The following DRD2 variants were observed in gnomAD, a reference collection of about 807,000 sequenced individuals.
The protein encoded by DRD2 is dopamine receptor D2, also known as D(2) dopamine receptor.
A neutral mutation model predicts 38.0 loss-of-function variants in DRD2; 8 were observed. The observed-to-expected ratio is 0.21, with a 90% CI of 0.12 to 0.38. The LOEUF is 0.38. Ranked by LOEUF, DRD2 falls within the 10% of genes least tolerant of loss-of-function variation. The pLI, the probability that DRD2 is intolerant of heterozygous loss-of-function variation, is 1.00. For synonymous variants in DRD2, 230 were observed against 238.6 expected, an observed-to-expected ratio of 0.96 and a Z score of 0.33; for missense variants, 403 against 607.7, an observed-to-expected ratio of 0.66 and a Z score of 3.54.
intron 1 of DRD2, among the ~76,000 whole-genome samples, chr11:113,439,351 C>G (rs1951065803): frequency 6.6e-6 from 1 of 152,142 alleles, no homozygotes; most frequent in African/African-American, 2.4e-5. Context: ...GGACGAGACT[C>G]CCTTCTTCGT....
At chr11:113,460,431 T>C (rs1951306806) in intron 1 of DRD2, among the ~76,000 whole-genome samples, 1 of 152,246 alleles carries the variant, frequency 6.6e-6, no homozygotes, top group Admixed American at 6.5e-5. Context: ...GATCTTGACC[T>C]AGGGAGACAC....
rs766878285 is a variant in DRD2 at position 113,412,903 on chromosome 11, C to A, written c.811-20G>T. On this transcript the variant is annotated intron_variant, in intron 6 of 7. Coordinates refer to ENST00000362072, the MANE Select transcript of DRD2 (RefSeq NM_000795.4). ...AGCCTCCTGCACCAGAGGCAGAGGGCTCTGGGTAAAGCCGGACAAGTTCCC... is the reference window on the plus strand; with the variant it reads ...AGCCTCCTGCACCAGAGGCAGAGGGATCTGGGTAAAGCCGGACAAGTTCCC... 2 of 1,605,902 alleles carry A rather than the reference C, an allele frequency of 1.2e-6. No individual in the cohort carries two copies.
At chr11:113,421,437 A>G (rs771290503) in intron 2 of DRD2, among the ~76,000 whole-genome samples, 22 of 152,164 alleles carry the variant, frequency 1.4e-4, no homozygotes, top group Non-Finnish European at 2.5e-4. Flanking sequence ...TCATCTTCTC[A>G]ATCTCCTCAT....
chr11:113,443,468 A>G (rs1951111899), intron 1 of DRD2, among the ~76,000 whole-genome samples: 1 of 152,242 alleles, frequency 6.6e-6, no homozygotes, highest in East Asian at 1.9e-4. Flanking sequence ...GGAAAGATAC[A>G]TATTAGAAGC....
chr11:113,467,747 A>AG (rs1951383923), intron 1 of DRD2, among the ~76,000 whole-genome samples: 1 of 152,234 alleles, frequency 6.6e-6, no homozygotes, highest in Non-Finnish European at 1.5e-5. Flanking sequence ...TCACCAGGAT[A>AG]ACTTATGCCT....
At chr11:113,417,035 G>C in intron 3 of DRD2, 36 bp from the exon 4 acceptor site, 1 of 1,609,980 alleles carries the variant, frequency 6.2e-7, no homozygotes, top group East Asian at 2.2e-5. Context: ...TGGGGTGCAG[G>C]CCCAGGGACC....
intron 1 of DRD2, among the ~76,000 whole-genome samples, chr11:113,437,702 G>A (rs1341825741): frequency 6.6e-6 from 1 of 152,170 alleles, no homozygotes; most frequent in Admixed American, 6.5e-5. Context: ...GTGGAGCCGA[G>A]GAGTGTGGGC....
At chr11:113,433,421 G>A (rs950052743) in intron 1 of DRD2, among the ~76,000 whole-genome samples, 1 of 152,220 alleles carries the variant, frequency 6.6e-6, no homozygotes, top group African/African-American at 2.4e-5. Context: ...TAGAGACCTA[G>A]GCTGGGGGAT....
At chr11:113,443,640 C>T (rs1315287534) in intron 1 of DRD2, among the ~76,000 whole-genome samples, 4 of 152,184 alleles carry the variant, frequency 2.6e-5, no homozygotes, top group Non-Finnish European at 5.9e-5. Flanking sequence ...GCTGTCAGCT[C>T]GCCAGGCAGT....
chr11:113,427,051 C>G (rs568127574), intron 1 of DRD2, among the ~76,000 whole-genome samples: 4 of 152,246 alleles, frequency 2.6e-5, no homozygotes, highest in South Asian at 4.1e-4. Context: ...CTTCTCCCCC[C>G]ACTCCCTGCT....
chr11:113,424,339 T>G (rs1478567950), intron 2 of DRD2, 28 bp downstream of exon 2: 1 of 1,611,082 alleles, frequency 6.2e-7, no homozygotes, highest in East Asian at 2.2e-5. Flanking sequence ...CTGGAGAAAG[T>G]GCTGGAGCAA....
chr11:113,446,509 A>C (rs2119881324), intron 1 of DRD2, among the ~76,000 whole-genome samples: 1 of 152,364 alleles, frequency 6.6e-6, no homozygotes, highest in East Asian at 1.9e-4. Flanking sequence ...CAATGGGGCC[A>C]AGGGAGTTCC....
At chr11:113,455,665 T>A (rs1424497521) in intron 1 of DRD2, among the ~76,000 whole-genome samples, 1 of 151,946 alleles carries the variant, frequency 6.6e-6, no homozygotes, top group African/African-American at 2.4e-5. Flanking sequence ...ATGCAAAAGG[T>A]CAACATATAT....
intron 1 of DRD2, among the ~76,000 whole-genome samples, chr11:113,465,720 C>A (rs949157244): frequency 6.6e-6 from 1 of 152,230 alleles, no homozygotes; most frequent in Non-Finnish European, 1.5e-5. Flanking sequence ...AGCTCTCCTA[C>A]TTCTCTGCTG....
chr11:113,466,469 G>C (rs1485757979), intron 1 of DRD2, among the ~76,000 whole-genome samples: 4 of 152,164 alleles, frequency 2.6e-5, no homozygotes, highest in African/African-American at 9.7e-5. Flanking sequence ...ATTGAAGTAG[G>C]TTCCAACCAT....
chr11:113,433,612 G>A lies in DRD2; in HGVS notation c.-31-8930C>T, dbSNP rs190964002. On this transcript the variant is annotated intron_variant, in intron 1 of 7. Coordinates refer to ENST00000362072, the MANE Select transcript of DRD2 (RefSeq NM_000795.4). Reference sequence around the variant, plus strand: ...AGCGAGGCAGCAGAGCTCAGGGACCGCGCAGCAGCTCTTGGCTATGTTATC... The same window carrying A: ...AGCGAGGCAGCAGAGCTCAGGGACCACGCAGCAGCTCTTGGCTATGTTATC... Among the ~76,000 whole-genome samples the A allele has an allele frequency of 3.2e-3, 487 of 152,316 alleles. 1 individual carries two copies. Among genetic ancestry groups the A allele is most frequent in the Non-Finnish European group, 4.9e-3 (332 of 68,010 alleles).
rs201881891 is a variant in DRD2 at position 113,415,465 on chromosome 11, G to C, written c.679C>G (p.Arg227Gly). Residue 227 changes from arginine to glycine, a missense_variant, in exon 5 of 8, where the codon CGC (arginine) becomes GGC (glycine). By Grantham distance (125) the Arg-to-Gly change is moderately radical. Transcript: ENST00000362072. ...RRRRKRVNTK[R>G]SSRAFRAHLR... ...TGGGCCCTGAAAGCTCGGCTGCTGC[G>C]TTTGGTGTTGACTCGCTTGCGGCGT... The C allele has an allele frequency of 2.5e-5, 41 of 1,614,138 alleles. No homozygotes were observed. In the South Asian group the frequency reaches 4.5e-4, roughly 18 times the overall value.
intron 1 of DRD2, among the ~76,000 whole-genome samples, chr11:113,450,903 G>A (rs1419559493): frequency 6.6e-6 from 1 of 152,158 alleles, no homozygotes; most frequent in Non-Finnish European, 1.5e-5. Context: ...GACTTTTGGA[G>A]GATTACTAGA....
At chr11:113,451,890 T>G (rs1232170399) in intron 1 of DRD2, among the ~76,000 whole-genome samples, 2 of 152,218 alleles carry the variant, frequency 1.3e-5, no homozygotes, top group African/African-American at 4.8e-5. Context: ...AAATATTACT[T>G]TAACAGTGTA....
Sources: allele counts gnomAD v4.1 joint callset (sites outside exome capture counted in the v4.1 genomes callset), GRCh38; gene constraint gnomAD v4.1.1; transcripts MANE v1.5; gene names NCBI Gene and HGNC (gene_info 2026-07-23, HGNC 2026-07-21).